Variants in CEP89 observed in about 807,000 individuals in gnomAD.
CEP89 encodes the protein centrosomal protein 89.
In CEP89, 95 loss-of-function variants were observed where a neutral mutation model predicts 97.6. The observed-to-expected ratio is 0.97, with a 90% CI of 0.82 to 1.15. The LOEUF is 1.15. CEP89 is among the 50% of genes most tolerant of loss of function. The pLI is 0.00. For synonymous variants in CEP89, 354 were observed against 349.1 expected (o/e 1.01, Z -0.16); for missense variants, 869 against 947.7 (o/e 0.92, Z 1.09).
chr19:32,926,135 A>T, intron 11 of CEP89, 55 bp downstream of exon 11: 3 of 1,248,564 alleles, frequency 2.4e-6, no homozygotes, highest in Non-Finnish European at 3.5e-6. Flanking sequence ...ATAAAATTTG[A>T]AGCGGTCCTA....
intron 16 of CEP89, among the ~76,000 whole-genome samples, chr19:32,896,134 G>T (rs1338693544): frequency 6.6e-6 from 1 of 152,074 alleles, no homozygotes; most frequent in Non-Finnish European, 1.5e-5. Context: ...TATACATATG[G>T]AACCAAAAAG....
At chr19:32,914,972 G>C (rs983489409) in intron 14 of CEP89, among the ~76,000 whole-genome samples, 1 of 151,788 alleles carries the variant, frequency 6.6e-6, no homozygotes, top group Non-Finnish European at 1.5e-5. Context: ...CAGGTGCCGA[G>C]ACTGCACCAC....
At chr19:32,966,535 C>T in intron 1 of CEP89, 69 bp from the exon 2 acceptor site, 1 of 923,328 alleles carries the variant, frequency 1.1e-6, no homozygotes, top group Non-Finnish European at 1.5e-6. Flanking sequence ...TGTCACCACT[C>T]TCCCTGGGCC....
At chr19:32,954,586 C>G (rs111728653) in intron 3 of CEP89, among the ~76,000 whole-genome samples, 2,377 of 151,642 alleles carry the variant, frequency 0.016, 68 homozygotes, top group African/African-American at 0.054. Context: ...CTCCTTGGCT[C>G]AAGGGATCCG....
At chr19:32,893,175 A>G (rs1465381687) in intron 16 of CEP89, among the ~76,000 whole-genome samples, 1 of 152,180 alleles carries the variant, frequency 6.6e-6, no homozygotes, top group Non-Finnish European at 1.5e-5. Context: ...AGATCCATAC[A>G]GACTGAAAGT....
At chr19:32,908,475 C>T (rs926846942) in intron 14 of CEP89, among the ~76,000 whole-genome samples, 3 of 152,018 alleles carry the variant, frequency 2.0e-5, no homozygotes, top group Non-Finnish European at 2.9e-5. Flanking sequence ...GCGGAAGGGG[C>T]GGTGTTTGGA....
chr19:32,895,750 TA>T (rs113777086), intron 16 of CEP89, among the ~76,000 whole-genome samples: 51,013 of 147,482 alleles, frequency 0.35, 8,929 homozygotes, highest in African/African-American at 0.41. Flanking sequence ...TTAGATCTGA[TA>T]AAAAAAAAAA....
intron 3 of CEP89, 47 bp from the exon 4 acceptor site, chr19:32,953,848 A>G (rs746324122): frequency 1.7e-6 from 2 of 1,193,416 alleles, no homozygotes; most frequent in South Asian, 1.3e-5. Flanking sequence ...GTCACTTAAC[A>G]CTTGACACTG....
chr19:32,966,564 C>G, intron 1 of CEP89, 98 bp from the exon 2 acceptor site: 1 of 580,752 alleles, frequency 1.7e-6, no homozygotes. Context: ...GACACCTGCA[C>G]TGGCCACCCA....
Position 32,925,506 on chromosome 19 carries a change from T to TCC in CEP89, c.1164+683_1164+684insGG, listed in dbSNP as rs201035587. Among the ~76,000 whole-genome samples the TCC allele has an allele frequency of 2.8e-3, 365 of 128,626 alleles. 1 individual carries two copies. Among genetic ancestry groups the TCC allele is most frequent in the Admixed American group, 4.5e-3 (57 of 12,668 alleles). 84.4% of individuals were successfully genotyped at this position (128,626 alleles called of 152,430 possible). A position where few individuals can be genotyped will look rare whatever the true frequency, so the allele number is the denominator to read the frequency against. On this transcript the variant is annotated intron_variant, in intron 11 of 18. Coordinates refer to ENST00000305768, the MANE Select transcript of CEP89 (RefSeq NM_032816.5). ...AGCCCTTTTTTTTTTTTTTTTTTTT[T>TCC]CGAGACGGAGTCTGGCCCCATCGCC... is the stretch of plus-strand genomic sequence containing the variant.
rs929591410 is a variant in CEP89, at chr19:32,902,010, C to CTGTGTGTGTGTGTGTG, written c.1566-614_1566-599dup. On this transcript the variant is annotated intron_variant, in intron 14 of 18. Transcript: ENST00000305768. ...TCTGTCTCTCTGTCTCTCTCTCTCT[C>CTGTGTGTGTGTGTGTG]TGTGTGTGTGTGTGTGTGTGTGTGT... Among the ~76,000 whole-genome samples the CTGTGTGTGTGTGTGTG allele has an allele frequency of 4.4e-3, 591 of 133,798 alleles. 1 individual carries two copies. The highest frequency in any genetic ancestry group is 6.2e-3 in the Non-Finnish European group (394 of 63,658). The allele number at this position is 133,798 out of a possible 152,430, so 87.8% of individuals were successfully genotyped here.
intron 12 of CEP89, among the ~76,000 whole-genome samples, chr19:32,923,073 T>C (rs909753528): frequency 2.6e-5 from 4 of 152,138 alleles, no homozygotes; most frequent in African/African-American, 9.7e-5. Context: ...CTTTCTGTTT[T>C]GGGAGGCCAT....
At chr19:32,881,601 G>A (rs1033528813) in intron 18 of CEP89, among the ~76,000 whole-genome samples, 6 of 152,148 alleles carry the variant, frequency 3.9e-5, no homozygotes, top group African/African-American at 1.4e-4. Flanking sequence ...GAAAAAAAGA[G>A]AAAGGCAATT....
At chr19:32,915,621 C>T in intron 13 of CEP89, 104 bp from the exon 14 acceptor site, 1 of 1,076,796 alleles carries the variant, frequency 9.3e-7, no homozygotes, top group Non-Finnish European at 1.3e-6. Flanking sequence ...ATAAAAATGA[C>T]CTTTTAAAGA....
At chr19:32,900,431 ATATATATT>A in intron 15 of CEP89, among the ~76,000 whole-genome samples, 1 of 151,540 alleles carries the variant, frequency 6.6e-6, no homozygotes, top group Non-Finnish European at 1.5e-5. Context: ...ATATATACAT[ATATATATT>A]TTTTTAAGTA....
At chr19:32,958,013 T>TCC (rs386388893) in intron 3 of CEP89, among the ~76,000 whole-genome samples, 12,194 of 122,942 alleles carry the variant, frequency 0.099, 669 homozygotes, top group East Asian at 0.28. Flanking sequence ...AACAAAAAAA[T>TCC]CCCCCCCCCG....
intron 16 of CEP89, among the ~76,000 whole-genome samples, chr19:32,898,418 A>G (rs1188198785): frequency 6.6e-6 from 1 of 152,168 alleles, no homozygotes. Context: ...GCTGGGGGGC[A>G]GGTGGCTGAA....
intron 13 of CEP89, among the ~76,000 whole-genome samples, chr19:32,915,918 GAA>G (rs67539579): frequency 0.62 from 73,993 of 119,466 alleles, 21,822 homozygotes; most frequent in East Asian, 0.8. Flanking sequence ...GACTCTCTCA[GAA>G]AAAAAAAAAA....
intron 1 of CEP89, among the ~76,000 whole-genome samples, chr19:32,967,486 G>A (rs1171204311): frequency 7.0e-6 from 1 of 142,106 alleles, no homozygotes; most frequent in African/African-American, 2.6e-5. Flanking sequence ...TGAGCCGGGA[G>A]AAAGGCTCTC....
Sources: gnomAD v4.1 joint callset for allele counts (sites outside exome capture counted in the v4.1 genomes callset) on GRCh38, gnomAD v4.1.1 for gene constraint, MANE v1.5 for transcripts, NCBI Gene and HGNC (gene_info 2026-07-23, HGNC 2026-07-21) for gene names.